The following GABRG3 variants were observed in gnomAD, a reference collection of about 807,000 sequenced individuals.
GABRG3 encodes gamma-aminobutyric acid receptor subunit gamma-3.
In GABRG3, 25 loss-of-function variants were observed where a neutral mutation model predicts 48.8. The ratio of observed to expected loss-of-function variants is 0.51; its 90% CI spans 0.37 to 0.72. The LOEUF (loss-of-function observed/expected upper bound fraction) is 0.72. Ranked by LOEUF, GABRG3 falls within the 30% of genes least tolerant of loss-of-function variation. GABRG3 has a pLI of 0.00. For missense variants in GABRG3, 394 were observed against 577.9 expected (o/e 0.68, Z 3.26); for synonymous variants, 227 against 217.6 (o/e 1.04, Z -0.38).
intron 6 of GABRG3, among the ~76,000 whole-genome samples, chr15:27,486,449 T>C (rs1890222133): frequency 6.6e-6 from 1 of 152,230 alleles, no homozygotes; most frequent in African/African-American, 2.4e-5. Flanking sequence ...CTGTAAGTAA[T>C]TCTCCAAACT....
chr15:27,128,199 A>G (rs1156756203), intron 3 of GABRG3, among the ~76,000 whole-genome samples: 1 of 151,668 alleles, frequency 6.6e-6, no homozygotes, highest in Non-Finnish European at 1.5e-5. Context: ...CTGTCTCTAC[A>G]AAAAAGATAA....
intron 3 of GABRG3, among the ~76,000 whole-genome samples, chr15:27,284,302 G>A (rs770860041): frequency 7.2e-5 from 11 of 152,164 alleles, no homozygotes; most frequent in Non-Finnish European, 1.0e-4. Context: ...AATTTAGGAT[G>A]TGCTTCATTG....
intron 3 of GABRG3, among the ~76,000 whole-genome samples, chr15:27,098,764 A>G (rs1030290629): frequency 1.1e-4 from 17 of 152,144 alleles, no homozygotes; most frequent in African/African-American, 4.1e-4. Context: ...ACAAAAATAA[A>G]TGATTCCAGA....
intron 7 of GABRG3, among the ~76,000 whole-genome samples, chr15:27,523,446 A>T (rs1345190127): frequency 6.6e-6 from 1 of 151,772 alleles, no homozygotes; most frequent in Admixed American, 6.6e-5. Context: ...AAGATTTTCT[A>T]TATAATATTT....
chr15:27,009,442 T>C (rs567909638), intron 2 of GABRG3, among the ~76,000 whole-genome samples: 95 of 152,350 alleles, frequency 6.2e-4, no homozygotes, highest in African/African-American at 2.1e-3. Flanking sequence ...CCTACATATT[T>C]ACATATTTAG....
chr15:27,518,236 G>A (rs1032948609), intron 6 of GABRG3, among the ~76,000 whole-genome samples: 6 of 149,722 alleles, frequency 4.0e-5, no homozygotes, highest in Non-Finnish European at 7.4e-5. Context: ...AGACGTGGTG[G>A]CACATGCCTG....
chr15:27,192,238 G>C (rs184593530), intron 3 of GABRG3, among the ~76,000 whole-genome samples: 2 of 151,326 alleles, frequency 1.3e-5, no homozygotes, highest in Non-Finnish European at 2.9e-5. Flanking sequence ...TCTTTGTGGC[G>C]TTCTCTGTAT....
intron 5 of GABRG3, among the ~76,000 whole-genome samples, chr15:27,369,423 A>G (rs1895319301): frequency 6.6e-6 from 1 of 152,248 alleles, no homozygotes; most frequent in Non-Finnish European, 1.5e-5. Flanking sequence ...GCCATTGTAG[A>G]CAGTTCTGCT....
chr15:27,389,720 C>T (rs1217123637), intron 5 of GABRG3, among the ~76,000 whole-genome samples: 3 of 152,202 alleles, frequency 2.0e-5, no homozygotes, highest in Admixed American at 6.5e-5. Flanking sequence ...AATGACCCTT[C>T]GAGTTAACAC....
chr15:27,005,054 T>G (rs530849328), intron 2 of GABRG3, among the ~76,000 whole-genome samples: 1 of 152,178 alleles, frequency 6.6e-6, no homozygotes, highest in Non-Finnish European at 1.5e-5. Flanking sequence ...TTATTTTATT[T>G]TATTCTATTT....
chr15:27,240,963 T>C lies in GABRG3; in HGVS notation c.271-85846T>C, dbSNP rs183686574. Among the ~76,000 whole-genome samples the C allele has an allele frequency of 5.2e-3, 789 of 152,306 alleles. 5 individuals carry two copies. Among genetic ancestry groups the C allele is most frequent in the Non-Finnish European group, 7.1e-3 (485 of 68,014 alleles). On this transcript the variant is annotated intron_variant, in intron 3 of 9. Coordinates refer to ENST00000615808, the MANE Select transcript of GABRG3 (RefSeq NM_033223.5). ...TGGAATCCTGATAAAAATGGAAATGTTCTTACTGAAGTTGAAACAAGATAA... is the reference window on the plus strand; with the variant it reads ...TGGAATCCTGATAAAAATGGAAATGCTCTTACTGAAGTTGAAACAAGATAA...
chr15:27,020,533 T>C (rs1895871086), intron 2 of GABRG3, among the ~76,000 whole-genome samples: 1 of 151,972 alleles, frequency 6.6e-6, no homozygotes, highest in South Asian at 2.1e-4. Flanking sequence ...TGCCTCAGCC[T>C]CCTGAGTAGC....
intron 3 of GABRG3, among the ~76,000 whole-genome samples, chr15:27,172,349 C>A (rs549266312): frequency 6.6e-6 from 1 of 152,084 alleles, no homozygotes; most frequent in African/African-American, 2.4e-5. Flanking sequence ...GTGTGCTTGT[C>A]ACTTAGTGGC....
intron 3 of GABRG3, among the ~76,000 whole-genome samples, chr15:27,306,780 C>CATGTTTATATATAAACATACAATATAAAA (rs1892516810): frequency 2.0e-5 from 2 of 101,196 alleles, no homozygotes; most frequent in Non-Finnish European, 3.7e-5. Flanking sequence ...ACAATATAAA[C>CATGTTTATATATAAACATACAATATAAAA]ATGTTTATAT....
chr15:27,517,732 AAATT>A (rs912913545), intron 6 of GABRG3, among the ~76,000 whole-genome samples: 1 of 152,210 alleles, frequency 6.6e-6, no homozygotes, highest in Admixed American at 6.5e-5. Flanking sequence ...TTTATGCCAA[AAATT>A]AATAGACATT....
intron 3 of GABRG3, among the ~76,000 whole-genome samples, chr15:27,207,451 G>A (rs933765021): frequency 2.0e-5 from 3 of 152,306 alleles, no homozygotes; most frequent in Admixed American, 2.0e-4. Context: ...TATGAATTTA[G>A]GAGAGTCCTT....
chr15:27,172,850 A>G (rs1222049345), intron 3 of GABRG3, among the ~76,000 whole-genome samples: 1 of 152,064 alleles, frequency 6.6e-6, no homozygotes, highest in Non-Finnish European at 1.5e-5. Context: ...CCCACTCCAT[A>G]GACAGCGTCA....
Position 27,450,732 on chromosome 15 carries a change from T to TG in GABRG3, c.575-29911dup, listed in dbSNP as rs529120128. 5.3e-5 allele frequency among the ~76,000 whole-genome samples: 8 copies of TG among 149,610 alleles called. No homozygotes were observed. In the East Asian group the frequency reaches 6.0e-4, roughly 11 times the overall value. On this transcript the variant is annotated intron_variant, in intron 5 of 9. Transcript: ENST00000615808. The stretch of plus-strand genomic sequence containing the variant: ...AATAAGGCAATAAAAATGTCGGGGG[T>TG]GGGGGGGTGGCATCCAAATCTTCTG...
intron 3 of GABRG3, among the ~76,000 whole-genome samples, chr15:27,060,131 T>C (rs1896620487): frequency 6.6e-6 from 1 of 152,238 alleles, no homozygotes; most frequent in African/African-American, 2.4e-5. Context: ...TAAAATCCAG[T>C]TGGTTTTTAA....
Sources: gnomAD v4.1 joint callset for allele counts (sites outside exome capture counted in the v4.1 genomes callset) on GRCh38, gnomAD v4.1.1 for gene constraint, MANE v1.5 for transcripts, NCBI Gene and HGNC (gene_info 2026-07-23, HGNC 2026-07-21) for gene names.